TECRL: variants seen among roughly 807,000 people sequenced by gnomAD.
TECRL encodes the protein trans-2,3-enoyl-CoA reductase-like.
TECRL carries 63 observed loss-of-function variants against 52.8 expected under a neutral mutation model. The observed-to-expected ratio is 1.19, with a 90% CI of 0.97 to 1.47. The LOEUF is 1.47. TECRL is among the 40% of genes most tolerant of loss of function. The pLI, the probability that TECRL is intolerant of heterozygous loss-of-function variation, is 0.00. For synonymous variants in TECRL, 164 were observed against 141.9 expected (o/e 1.16, Z -1.10); for missense variants, 482 against 429.6 (o/e 1.12, Z -1.08).
chr4:64,298,315 A>C (rs150489127), intron 8 of TECRL, among the ~76,000 whole-genome samples: 214 of 151,256 alleles, frequency 1.4e-3, no homozygotes, highest in African/African-American at 5.0e-3. Context: ...CTTTGGGTTT[A>C]TTAATTTTTG....
At chr4:64,316,483 A>C (rs1182542876) in intron 4 of TECRL, among the ~76,000 whole-genome samples, 1 of 152,124 alleles carries the variant, frequency 6.6e-6, no homozygotes, top group African/African-American at 2.4e-5. Context: ...ATTTCAGTGC[A>C]AATAGAAGAA....
At chr4:64,338,935 A>G (rs1693450268) in intron 2 of TECRL, among the ~76,000 whole-genome samples, 2 of 152,166 alleles carry the variant, frequency 1.3e-5, no homozygotes, top group South Asian at 2.1e-4. Context: ...ATTACTGGGT[A>G]TATACCCAAA....
At chr4:64,291,626 T>C (rs1186012821) in intron 8 of TECRL, among the ~76,000 whole-genome samples, 1 of 151,986 alleles carries the variant, frequency 6.6e-6, no homozygotes, top group African/African-American at 2.4e-5. Context: ...AAATATTTTC[T>C]TCTTCCTGCT....
chr4:64,365,729 A>G (rs1229051442), intron 2 of TECRL, among the ~76,000 whole-genome samples: 1 of 152,082 alleles, frequency 6.6e-6, no homozygotes, highest in Non-Finnish European at 1.5e-5. Flanking sequence ...GCAATTAGAG[A>G]TGACACCAAG....
At chr4:64,277,027 T>C, downstream of TECRL, 1 of 1,498,186 alleles carries the variant, frequency 6.7e-7, no homozygotes. Context: ...GCTTTTTCTT[T>C]TGATGTCTTA....
intron 2 of TECRL, among the ~76,000 whole-genome samples, chr4:64,360,292 T>A (rs1177317086): frequency 6.6e-6 from 1 of 152,094 alleles, no homozygotes; most frequent in Non-Finnish European, 1.5e-5. Context: ...TTGAGGCAAA[T>A]GAATCATTAT....
intron 2 of TECRL, among the ~76,000 whole-genome samples, chr4:64,358,769 T>A (rs1720966099): frequency 6.6e-6 from 1 of 151,834 alleles, no homozygotes; most frequent in African/African-American, 2.4e-5. Flanking sequence ...ATTGACGCAA[T>A]ATTATTTTTG....
chr4:64,280,265 G>T (rs1722753403), intron 11 of TECRL, 66 bp from the exon 12 acceptor site: 2 of 1,197,766 alleles, frequency 1.7e-6, no homozygotes, highest in Admixed American at 3.0e-5. Flanking sequence ...TTAGGAAAAG[G>T]ATCCCTAGCA....
intron 5 of TECRL, among the ~76,000 whole-genome samples, chr4:64,310,703 G>A (rs990175015): frequency 2.6e-5 from 4 of 151,882 alleles, no homozygotes; most frequent in African/African-American, 4.8e-5. Flanking sequence ...AATTCAATAC[G>A]GATCAAAGAT....
intron 1 of TECRL, among the ~76,000 whole-genome samples, chr4:64,405,075 A>G (rs1724615530): frequency 6.6e-6 from 1 of 152,174 alleles, no homozygotes; most frequent in Non-Finnish European, 1.5e-5. Flanking sequence ...TGAACTAAAG[A>G]AAGAAAAATA....
intron 1 of TECRL, among the ~76,000 whole-genome samples, chr4:64,402,416 T>C (rs2109784085): frequency 6.6e-6 from 1 of 152,204 alleles, no homozygotes; most frequent in Middle Eastern, 3.4e-3. Flanking sequence ...AATATCTCTT[T>C]TAAACGTCTA....
intron 2 of TECRL, among the ~76,000 whole-genome samples, chr4:64,371,748 G>T (rs1479058927): frequency 6.6e-6 from 1 of 151,650 alleles, no homozygotes; most frequent in Non-Finnish European, 1.5e-5. Context: ...GCTTATTGAA[G>T]TTCGTTTCTA....
intron 1 of TECRL, 42 bp from the exon 2 acceptor site, chr4:64,375,265 A>C (rs1411044018): frequency 7.5e-6 from 8 of 1,071,668 alleles, no homozygotes; most frequent in East Asian, 3.2e-5. Flanking sequence ...AAAAACTGTT[A>C]ATTTGTTTTC....
At chr4:64,344,019 T>C (rs932681809) in intron 2 of TECRL, among the ~76,000 whole-genome samples, 3 of 152,002 alleles carry the variant, frequency 2.0e-5, no homozygotes, top group Non-Finnish European at 4.4e-5. Flanking sequence ...TCCCCCACAG[T>C]AATCTGTGTA....
At chr4:64,333,112 A>C (rs1206856036) in intron 2 of TECRL, among the ~76,000 whole-genome samples, 1 of 152,072 alleles carries the variant, frequency 6.6e-6, no homozygotes, top group Non-Finnish European at 1.5e-5. Context: ...TATGTAATGA[A>C]AACCAGATGT....
Position 64,281,044 on chromosome 4 carries a change from G to A in TECRL, c.961C>T (p.Pro321Ser). The change falls in exon 11 of 12, where the codon CCA becomes TCA. Residue 321 changes from proline (P) to serine (S), a missense_variant. Coordinates refer to ENST00000381210, the MANE Select transcript of TECRL (RefSeq NM_001010874.5). ...ISFTVMTQTL[P>S]VGIFTLLMSI... is the part of the protein sequence containing the mutation. ...TATCAGTATATCTAGGTCTTACCTGGCAGTGTTTGTGTCATGACTGTGAAA... is the reference window on the plus strand; with the variant it reads ...TATCAGTATATCTAGGTCTTACCTGACAGTGTTTGTGTCATGACTGTGAAA... The A allele has an allele frequency of 1.3e-6, 2 of 1,597,988 alleles. No individual in the cohort carries two copies. Among genetic ancestry groups the A allele is most frequent in the South Asian group, 1.1e-5 (1 of 88,810 alleles).
chr4:64,369,069 A>G (rs1347496789), intron 2 of TECRL, among the ~76,000 whole-genome samples: 3 of 152,160 alleles, frequency 2.0e-5, no homozygotes, highest in African/African-American at 7.2e-5. Flanking sequence ...TCTGATAGAT[A>G]ATAAACATCA....
intron 1 of TECRL, among the ~76,000 whole-genome samples, chr4:64,383,185 G>T (rs906826668): frequency 5.9e-5 from 9 of 151,844 alleles, no homozygotes; most frequent in Non-Finnish European, 8.8e-5. Flanking sequence ...TTCTCTTGCT[G>T]TTTTTTTAGT....
chr4:64,391,087 G>A (rs1723516070), intron 1 of TECRL, among the ~76,000 whole-genome samples: 1 of 151,728 alleles, frequency 6.6e-6, no homozygotes, highest in South Asian at 2.1e-4. Context: ...TGGATTGCAT[G>A]CTCTTGGAAG....
Sources: allele counts gnomAD v4.1 joint callset (sites outside exome capture counted in the v4.1 genomes callset), GRCh38; gene constraint gnomAD v4.1.1; transcripts MANE v1.5; gene names NCBI Gene and HGNC (gene_info 2026-07-23, HGNC 2026-07-21).